SLC44A5: variants seen among roughly 807,000 people sequenced by gnomAD.
SLC44A5 encodes solute carrier family 44 member 5, also known as choline transporter-like protein 5.
Under a neutral mutation model 101.8 loss-of-function variants are expected in SLC44A5, and 57 were observed. That is an observed-to-expected ratio of 0.56 (90% CI 0.45 to 0.70). The LOEUF (loss-of-function observed/expected upper bound fraction) is 0.70. Ranked by LOEUF, SLC44A5 falls within the 30% of genes least tolerant of loss-of-function variation. The pLI is 0.00. For synonymous variants in SLC44A5, 281 were observed against 290.9 expected (o/e 0.97, Z 0.35); for missense variants, 737 against 853.1 (o/e 0.86, Z 1.70).
chr1:75,371,454 T>C (rs1160032143), intron 3 of SLC44A5, among the ~76,000 whole-genome samples: 1 of 152,222 alleles, frequency 6.6e-6, no homozygotes, highest in Non-Finnish European at 1.5e-5. Flanking sequence ...ATTTTTATTG[T>C]TATTTTTGTA....
At chr1:75,397,277 T>C (rs1446229364) in intron 2 of SLC44A5, among the ~76,000 whole-genome samples, 1 of 152,134 alleles carries the variant, frequency 6.6e-6, no homozygotes, top group African/African-American at 2.4e-5. Flanking sequence ...GCTTCAAGTG[T>C]CACATATGTT....
At chr1:75,631,997 C>A in the SLC44A5 span, among the ~76,000 whole-genome samples, 2 of 152,122 alleles carry the variant, frequency 1.3e-5, no homozygotes, top group Non-Finnish European at 2.9e-5. Context: ...CTCTGCAGTG[C>A]CTGGAGTCAC....
At chr1:75,254,091 T>C (rs1329295578) in intron 6 of SLC44A5, among the ~76,000 whole-genome samples, 1 of 151,908 alleles carries the variant, frequency 6.6e-6, no homozygotes, top group Non-Finnish European at 1.5e-5. Context: ...CAGGCTGGAG[T>C]GCAGTGGCGC....
At chr1:75,565,451 C>T (rs1291925281) in intron 1 of SLC44A5, among the ~76,000 whole-genome samples, 1 of 152,212 alleles carries the variant, frequency 6.6e-6, no homozygotes, top group Non-Finnish European at 1.5e-5. Context: ...ATGGCCAATG[C>T]TGTATCCTCA....
At chr1:75,218,796 A>C in intron 16 of SLC44A5, 44 bp from the exon 17 acceptor site, 1 of 1,542,584 alleles carries the variant, frequency 6.5e-7, no homozygotes, top group Non-Finnish European at 8.8e-7. Context: ...ATTAAATATC[A>C]CTCCAAGATA....
the SLC44A5 span, among the ~76,000 whole-genome samples, chr1:75,689,854 T>C: frequency 6.6e-6 from 1 of 152,188 alleles, no homozygotes; most frequent in African/African-American, 2.4e-5. Context: ...TTAGCCTCCT[T>C]GTAAAGTTTG....
the SLC44A5 span, among the ~76,000 whole-genome samples, chr1:75,713,673 T>C: frequency 2.0e-5 from 3 of 152,244 alleles, no homozygotes; most frequent in Admixed American, 6.5e-5. Flanking sequence ...ATTGTATCTA[T>C]TGTCCCTTGT....
chr1:75,494,038 T>C (rs1175706067), intron 2 of SLC44A5, among the ~76,000 whole-genome samples: 1 of 152,170 alleles, frequency 6.6e-6, no homozygotes. Flanking sequence ...ATGTTTGTCC[T>C]CTCCAAAACT....
upstream of SLC44A5, among the ~76,000 whole-genome samples, chr1:75,613,973 C>T (rs1488794394): frequency 2.6e-5 from 4 of 152,204 alleles, no homozygotes; most frequent in African/African-American, 4.8e-5. Flanking sequence ...TTTTCTCTGG[C>T]TACCATGTAC....
chr1:75,320,872 A>C (rs1656086978), intron 4 of SLC44A5, among the ~76,000 whole-genome samples: 1 of 152,112 alleles, frequency 6.6e-6, no homozygotes, highest in Admixed American at 6.6e-5. Context: ...TTCTGGTAAA[A>C]GGTTGAAGCA....
At chr1:75,225,952 A>G (rs959464118) in intron 13 of SLC44A5, among the ~76,000 whole-genome samples, 3 of 152,166 alleles carry the variant, frequency 2.0e-5, no homozygotes, top group Middle Eastern at 3.2e-3. Flanking sequence ...TCCATCCAAG[A>G]GTAAAACTAG....
Position 75,238,105 on chromosome 1 carries a change from T to C in SLC44A5, c.656+408A>G, listed in dbSNP as rs952868004. Among the ~76,000 whole-genome samples, 5 of 151,818 alleles carry C rather than the reference T, an allele frequency of 3.3e-5. 1 individual carries two copies. The South Asian group carries it at 1.0e-3, about 31-fold the overall frequency. On this transcript the variant is annotated intron_variant, in intron 10 of 23. Transcript: ENST00000370859. ...GTCACACTTCTATACCTGTTGATAA[T>C]GAAAGATTTAACCATTTTGAAAAGC...
intron 3 of SLC44A5, among the ~76,000 whole-genome samples, chr1:75,358,501 G>A (rs778175854): frequency 4.6e-5 from 7 of 152,010 alleles, no homozygotes; most frequent in Non-Finnish European, 7.4e-5. Flanking sequence ...GTGATGATTT[G>A]ATATACATTG....
chr1:75,444,812 G>C (rs1269680207), intron 2 of SLC44A5, among the ~76,000 whole-genome samples: 1 of 152,096 alleles, frequency 6.6e-6, no homozygotes, highest in Non-Finnish European at 1.5e-5. Flanking sequence ...AGACACAGAT[G>C]ATATACTTGT....
intron 1 of SLC44A5, among the ~76,000 whole-genome samples, chr1:75,586,783 A>G (rs1236754336): frequency 6.6e-6 from 1 of 152,190 alleles, no homozygotes; most frequent in Admixed American, 6.5e-5. Context: ...AAATCAGATC[A>G]TAGTTATTAT....
At chr1:75,711,988 C>T in the SLC44A5 span, among the ~76,000 whole-genome samples, 2 of 152,198 alleles carry the variant, frequency 1.3e-5, no homozygotes, top group Non-Finnish European at 2.9e-5. Flanking sequence ...CTGGATTATG[C>T]TCTATTCTTT....
At chr1:75,544,318 C>T (rs1671525506) in intron 1 of SLC44A5, among the ~76,000 whole-genome samples, 1 of 152,162 alleles carries the variant, frequency 6.6e-6, no homozygotes, top group Non-Finnish European at 1.5e-5. Flanking sequence ...GACTTCCCAG[C>T]CTTTAGAACT....
intron 2 of SLC44A5, among the ~76,000 whole-genome samples, chr1:75,476,984 C>T (rs1303495197): frequency 6.6e-6 from 1 of 152,234 alleles, no homozygotes; most frequent in Non-Finnish European, 1.5e-5. Context: ...CCCTGAGCAG[C>T]CTAACTGGGA....
At chr1:75,331,428 G>A (rs1318013801) in intron 4 of SLC44A5, among the ~76,000 whole-genome samples, 1 of 152,052 alleles carries the variant, frequency 6.6e-6, no homozygotes, top group African/African-American at 2.4e-5. Flanking sequence ...CCATCAGTAA[G>A]TGCTGCTCCC....
Sources: allele counts gnomAD v4.1 joint callset (sites outside exome capture counted in the v4.1 genomes callset), GRCh38; gene constraint gnomAD v4.1.1; transcripts MANE v1.5; gene names NCBI Gene and HGNC (gene_info 2026-07-23, HGNC 2026-07-21).